Variants in IQSEC2 observed in about 807,000 individuals in gnomAD.
IQSEC2 encodes the protein IQ motif and Sec7 domain ArfGEF 2, also known as IQ motif and SEC7 domain-containing protein 2.
In IQSEC2, 6 loss-of-function variants were observed where a neutral mutation model predicts 74.6. The ratio of observed to expected loss-of-function variants is 0.08; its 90% CI spans 0.04 to 0.16. The LOEUF (loss-of-function observed/expected upper bound fraction) is 0.16. Ranked by LOEUF, IQSEC2 falls within the 10% of genes least tolerant of loss-of-function variation. IQSEC2 has a pLI of 1.00. For synonymous variants in IQSEC2, 494 were observed against 544.5 expected, an observed-to-expected ratio of 0.91 and a Z score of 1.29; for missense variants, 734 against 1,306.2, an observed-to-expected ratio of 0.56 and a Z score of 6.75.
intron 1 of IQSEC2, among the ~76,000 whole-genome samples, chrX:53,306,211 C>T (rs1556876595): frequency 3.6e-5 from 4 of 112,035 alleles, no homozygotes; most frequent in South Asian, 3.7e-4. Flanking sequence ...TTGCTCCCAC[C>T]GCCTGGACAA....
intron 1 of IQSEC2, among the ~76,000 whole-genome samples, chrX:53,320,055 T>C (rs1251880284): frequency 1.8e-5 from 2 of 109,588 alleles, no homozygotes; most frequent in Non-Finnish European, 3.8e-5. Flanking sequence ...GTAGACACCC[T>C]CGCCGACCAT....
chrX:53,269,773 G>T (rs1201447621), intron 2 of IQSEC2, among the ~76,000 whole-genome samples: 1 of 111,134 alleles, frequency 9.0e-6, no homozygotes. Flanking sequence ...GATGGTTAAA[G>T]CCAATAGACT....
chrX:53,245,545 C>T (rs1329092160), intron 8 of IQSEC2, among the ~76,000 whole-genome samples: 1 of 111,861 alleles, frequency 8.9e-6, no homozygotes, highest in Non-Finnish European at 1.9e-5. Context: ...CATACTACAT[C>T]GCACTGACTT....
chrX:53,236,427 C>T lies in IQSEC2; in HGVS notation c.3346G>A (p.Val1116Met), dbSNP rs1556859703. The T allele has an allele frequency of 1.7e-6, 2 of 1,205,459 alleles. No individual in the cohort carries two copies. The highest frequency in any genetic ancestry group is 4.4e-5 in the Admixed American group (2 of 45,521). ...ASQPGGAKDS[V>M]NGTMARSSLE... Reference sequence around the variant, plus strand: ...CTACTGCGGGCCATCGTCCCATTCACTGAGTCCTTGGCCCCTCCAGGCTGT... The same window carrying T: ...CTACTGCGGGCCATCGTCCCATTCATTGAGTCCTTGGCCCCTCCAGGCTGT... Residue 1116 changes from valine (V) to methionine (M), a missense_variant, in exon 13 of 15, where the codon GTG (valine) becomes ATG (methionine). Around this residue, in one of 12 missense-constraint regions of IQSEC2, gnomAD observed 249 missense variants for 467.9 expected, o/e 0.53. Transcript: ENST00000642864.
chrX:53,245,207 G>A (rs782147254), intron 8 of IQSEC2, among the ~76,000 whole-genome samples: 2 of 110,275 alleles, frequency 1.8e-5, no homozygotes, highest in Admixed American at 2.0e-4. Flanking sequence ...TTGGGAGGCC[G>A]AGTTGAGGCA....
rs2074096753 is a variant in IQSEC2 at position 53,234,598 on chromosome X, T to A, written c.4088A>T (p.Gln1363Leu). The A allele has an allele frequency of 8.9e-7, 1 of 1,127,300 alleles. No individual in the cohort carries two copies. The highest frequency in any genetic ancestry group is 1.2e-6 in the Non-Finnish European group (1 of 853,131). The allele number at this position is 1,127,300 out of a possible 1,213,427, so 92.9% of individuals were successfully genotyped here. ...GTACAGGGGCAGTGGGGATGTGGGC[T>A]GGTGCAGGGGGTGGCGGCCATGTGG... ...FAPHGRHPLHQPTSPLPLYSP... is the reference protein window; with the variant it reads ...FAPHGRHPLHLPTSPLPLYSP... Residue 1363 changes from glutamine to leucine, a missense_variant, in exon 15 of 15, where the codon CAG becomes CTG. Physicochemically the swap from Gln to Leu is moderately radical, Grantham distance 113 (BLOSUM62 -2). Transcript: ENST00000642864.
chrX:53,234,839 G>A lies in IQSEC2; in HGVS notation c.3847C>T (p.Leu1283Phe), dbSNP rs1464648181. Residue 1283 changes from leucine to phenylalanine, a missense_variant, in exon 15 of 15, where the codon CTC becomes TTC. Around this residue, in one of 12 missense-constraint regions of IQSEC2, gnomAD observed 249 missense variants for 467.9 expected, o/e 0.53. Coordinates refer to ENST00000642864, the MANE Select transcript of IQSEC2 (RefSeq NM_001111125.3). ...QGPGPAPPPY[L>F]PPQQPSLPPP... is the part of the protein sequence containing the mutation. ...GGAAGAGAGGGCTGCTGGGGTGGGA[G>A]GTAGGGTGGCGGGGCAGGGCCCGGT... is the stretch of plus-strand genomic sequence containing the variant. 8.8e-7 allele frequency: 1 copy of A among 1,133,133 alleles called. No individual in the cohort carries two copies. 93.4% of individuals were successfully genotyped at this position (1,133,133 alleles called of 1,213,427 possible).
chrX:53,280,443 A>G (rs1441901146), intron 2 of IQSEC2, among the ~76,000 whole-genome samples: 1 of 110,905 alleles, frequency 9.0e-6, no homozygotes, highest in Non-Finnish European at 1.9e-5. Context: ...AGACACAGAG[A>G]GAAGCCAGAG....
chrX:53,284,946 C>G (rs1404395891), intron 2 of IQSEC2, among the ~76,000 whole-genome samples: 3 of 112,406 alleles, frequency 2.7e-5, no homozygotes, highest in African/African-American at 9.7e-5. Context: ...CTTAAGCAAC[C>G]AGGGCCACAG....
chrX:53,319,862 C>T (rs1234533635), intron 1 of IQSEC2, among the ~76,000 whole-genome samples: 2 of 110,849 alleles, frequency 1.8e-5, no homozygotes, highest in Non-Finnish European at 3.8e-5. Context: ...CTCCCCCCGG[C>T]CAGAATGTGC....
At chrX:53,305,915 C>T (rs181074092) in intron 1 of IQSEC2, among the ~76,000 whole-genome samples, 7 of 111,404 alleles carry the variant, frequency 6.3e-5, no homozygotes, top group Admixed American at 1.9e-4. Context: ...CATTCAAGGA[C>T]GGAAAGGGGG....
At chrX:53,317,214 C>T (rs2075386093) in intron 1 of IQSEC2, among the ~76,000 whole-genome samples, 1 of 111,923 alleles carries the variant, frequency 8.9e-6, no homozygotes, top group Non-Finnish European at 1.9e-5. Context: ...TCAGGACCAA[C>T]GACTAAAAAG....
At chrX:53,236,821 T>C (rs1322262186) in intron 12 of IQSEC2, among the ~76,000 whole-genome samples, 1 of 110,886 alleles carries the variant, frequency 9.0e-6, no homozygotes, top group Non-Finnish European at 1.9e-5. Context: ...CATGCCCTCT[T>C]GCAATCAGGT....
rs2074076857 is a variant in IQSEC2 at position 53,233,319 on chromosome X, A to G, written c.*900T>C. ...TGGCCCTTTGGGAGCCTCTCTCCCC[A>G]GGGCTGATGCTGGGTGCCCCTGCCC... is the stretch of plus-strand genomic sequence containing the variant. On this transcript the variant is annotated 3_prime_UTR_variant, in exon 15 of 15. Transcript: ENST00000642864. 1 of 111,238 alleles carries G rather than the reference A, an allele frequency of 9.0e-6. No homozygotes were observed. The highest frequency in any genetic ancestry group is 4.3e-3 in the Middle Eastern group (1 of 234). The allele number at this position is 111,238 out of a possible 1,213,427, so 9.2% of individuals were successfully genotyped here.
chrX:53,274,664 T>C (rs1361569142), intron 2 of IQSEC2, among the ~76,000 whole-genome samples: 2 of 109,197 alleles, frequency 1.8e-5, no homozygotes, highest in Non-Finnish European at 3.8e-5. Context: ...AGTTTCACCA[T>C]GTTAGCCAGG....
intron 2 of IQSEC2, 72 bp from the exon 3 acceptor site, chrX:53,256,133 G>C (rs2074464017): frequency 1.0e-6 from 1 of 1,000,575 alleles, no homozygotes; most frequent in African/African-American, 1.9e-5. Context: ...ACTGAGAGTG[G>C]GTGAGCCAGA....
chrX:53,279,677 A>G (rs948645191), intron 2 of IQSEC2: 2 of 961,392 alleles, frequency 2.1e-6, no homozygotes, highest in Non-Finnish European at 3.0e-6. Flanking sequence ...ACAGCAAGAG[A>G]CAGAGAGAGA....
chrX:53,267,165 A>C, intron 2 of IQSEC2: 4 of 1,067,097 alleles, frequency 3.7e-6, no homozygotes, highest in Non-Finnish European at 4.9e-6. Context: ...AAGGGCCAGG[A>C]CCGGAACCAG....
chrX:53,309,620 G>A (rs1371363850), intron 1 of IQSEC2, among the ~76,000 whole-genome samples: 1 of 111,748 alleles, frequency 8.9e-6, no homozygotes, highest in African/African-American at 3.3e-5. Context: ...TACTGTCTTG[G>A]CTGCCCCAGC....
Sources: gnomAD v4.1 joint callset for allele counts (sites outside exome capture counted in the v4.1 genomes callset) on GRCh38, gnomAD v4.1.1 for gene constraint, gnomAD v4.1.1 regional missense constraint, MANE v1.5 for transcripts, NCBI Gene and HGNC (gene_info 2026-07-23, HGNC 2026-07-21) for gene names.